Variants in HDAC5 observed in about 807,000 individuals in gnomAD.
HDAC5 encodes the protein histone deacetylase 5, also known as antigen NY-CO-9.
A neutral mutation model predicts 133.3 loss-of-function variants in HDAC5; 25 were observed. That is an observed-to-expected ratio of 0.19 (90% CI 0.14 to 0.26). The LOEUF (loss-of-function observed/expected upper bound fraction) is 0.26, where lower values mean the gene tolerates loss of function less well. Among genes scored for constraint, HDAC5 ranks in the 10% least tolerant of loss-of-function variants. The pLI is 1.00. For missense variants in HDAC5, 1,041 were observed against 1,460.5 expected (o/e 0.71, Z 4.68); for synonymous variants, 589 against 610.8 (o/e 0.96, Z 0.53).
chr17:44,083,989 T>G (rs901890640), intron 16 of HDAC5, 135 bp from the exon 17 acceptor site: 1 of 705,730 alleles, frequency 1.4e-6, no homozygotes, highest in African/African-American at 1.7e-5. Context: ...CTGGGCGTGG[T>G]GGCACACACC....
chr17:44,088,365 C>G (rs1489129570), intron 12 of HDAC5, 22 bp downstream of exon 12: 6 of 1,545,532 alleles, frequency 3.9e-6, no homozygotes, highest in Non-Finnish European at 5.2e-6. Flanking sequence ...CAGCCCCAGG[C>G]CATTCACCTT....
In HDAC5 at chr17:44,088,599, C is replaced by CTACG. The variant is rs773696634; in HGVS notation, c.1388-5_1388-2dup. 8.6e-5 allele frequency: 138 copies of CTACG among 1,610,806 alleles called. No individual in the cohort carries two copies. Among genetic ancestry groups the CTACG allele is most frequent in the Non-Finnish European group, 1.1e-4 (135 of 1,178,192 alleles). ...AGTGGGGACTGCCCGTGGAGTGGCA[C>CTACG]TACGGAGTTGGGGGTGATGACTAAG... On this transcript the variant is annotated splice_acceptor_variant, in intron 11 of 26. Transcript: ENST00000682912. LOFTEE classifies it high-confidence loss of function.
At chr17:44,078,901 G>T in intron 24 of HDAC5, 22 bp from the exon 25 acceptor site, 1 of 1,613,010 alleles carries the variant, frequency 6.2e-7, no homozygotes, top group African/African-American at 1.3e-5. Context: ...AAGAAGAGAA[G>T]GCTTAGGGTG....
chr17:44,111,813 T>C (rs540144711), intron 2 of HDAC5, among the ~76,000 whole-genome samples: 8 of 152,252 alleles, frequency 5.3e-5, no homozygotes, highest in African/African-American at 1.9e-4. Context: ...CCTCAGCTTC[T>C]TTCTAGGGTG....
Position 44,117,600 on chromosome 17 carries a change from A to G in HDAC5, c.-85T>C, listed in dbSNP as rs141746023. The G allele has an allele frequency of 3.3e-5, 50 of 1,507,242 alleles. No homozygotes were observed. The East Asian group carries it at 9.9e-4, about 30-fold the overall frequency. 93.4% of individuals were successfully genotyped at this position (1,507,242 alleles called of 1,614,324 possible). A position where few individuals can be genotyped will look rare whatever the true frequency, so the allele number is the denominator to read the frequency against. On this transcript the variant is annotated 5_prime_UTR_variant, in exon 2 of 27. Transcript: ENST00000682912. This position sits in a 1 kb window ranked among gnomAD's most constrained non-coding sequence, Gnocchi z 4.2. ...GCGGTGATGTCAAGAGAGACAGACG[A>G]TAACAGACAGACGGACGGGACGGGA...
At chr17:44,097,705 G>C (rs228750) in intron 3 of HDAC5, among the ~76,000 whole-genome samples, 1 of 152,140 alleles carries the variant, frequency 6.6e-6, no homozygotes, top group African/African-American at 2.4e-5. Flanking sequence ...CGGCAATGCC[G>C]GGGTTGTAGG....
chr17:44,088,390 G>T lies in HDAC5; in HGVS notation c.1596C>A (p.Gly532=). The change falls in exon 12 of 27, where the codon GGC becomes GGA. Residue 532 remains glycine (G), a synonymous_variant. Transcript: ENST00000682912. ...EKQKQQQLQL[G]KILTKTGELP... ...CCATTCACCTTTCCAGGCTCACCTT[G>T]CCCAGCTGTAGCTGCTGCTGCTTCT... 6.5e-7 allele frequency: 1 copy of T among 1,550,210 alleles called. No individual in the cohort carries two copies.
intron 6 of HDAC5, 30 bp from the exon 7 acceptor site, chr17:44,092,836 C>A (rs2051029049): frequency 3.5e-6 from 3 of 849,862 alleles, no homozygotes; most frequent in Middle Eastern, 2.6e-4. Context: ...GGGATGGAAG[C>A]AGATCTAGGT....
intron 2 of HDAC5, among the ~76,000 whole-genome samples, chr17:44,115,198 A>T (rs1196712679): frequency 6.6e-6 from 1 of 152,232 alleles, no homozygotes; most frequent in Non-Finnish European, 1.5e-5. Flanking sequence ...CTTGAGGGGA[A>T]CCAGAAGCTC....
chr17:44,111,232 GAGCCGCC>G, intron 2 of HDAC5: 1 of 290,780 alleles, frequency 3.4e-6, no homozygotes, highest in South Asian at 3.3e-5. Flanking sequence ...CTTCCCGAAT[GAGCCGCC>G]GCCGGCAGCT....
At chr17:44,109,317 G>C (rs973357270) in intron 3 of HDAC5, among the ~76,000 whole-genome samples, 2 of 152,158 alleles carry the variant, frequency 1.3e-5, no homozygotes, top group Non-Finnish European at 2.9e-5. Context: ...GTGGACTCCA[G>C]ACCAGGATAA....
Position 44,091,512 on chromosome 17 carries a change from G to T in HDAC5, c.1165-20C>A, listed in dbSNP as rs751593503. The T allele has an allele frequency of 1.9e-6, 3 of 1,541,880 alleles. No homozygotes were observed. Among genetic ancestry groups the T allele is most frequent in the Middle Eastern group, 2.2e-4 (1 of 4,642 alleles). ...GGAGGCCTGGGGGGTGAAGGGAGGG[G>T]CTTATACAGCCTCAGTCCTGCCAAC... is the stretch of plus-strand genomic sequence containing the variant. On this transcript the variant is annotated intron_variant, in intron 10 of 26. Coordinates refer to ENST00000682912, the MANE Select transcript of HDAC5 (RefSeq NM_005474.5).
chr17:44,080,595 CCT>C, intron 21 of HDAC5, 97 bp from the exon 22 acceptor site: 1 of 1,478,326 alleles, frequency 6.8e-7, no homozygotes, highest in Non-Finnish European at 9.4e-7. Context: ...ACTCCACTGA[CCT>C]CTGCTCTGCC....
Position 44,091,485 on chromosome 17 carries a change from G to T in HDAC5, c.1172C>A (p.Pro391Gln). Residue 391 changes from proline (P) to glutamine (Q), a missense_variant, in exon 11 of 27, where the codon CCG becomes CAG. Transcript: ENST00000682912. ...GGCCTCCTGCTGTGTCGACAGCTTCGGGGAGGCCTGGGGGGTGAAGGGAGG... is the reference window on the plus strand; with the variant it reads ...GGCCTCCTGCTGTGTCGACAGCTTCTGGGAGGCCTGGGGGGTGAAGGGAGG... Reference protein sequence around the residue: ...TVTNSHLTASPKLSTQQEAER... With the variant: ...TVTNSHLTASQKLSTQQEAER... 1 of 1,542,596 alleles carries T rather than the reference G, an allele frequency of 6.5e-7. No homozygotes were observed.
At position 44,092,823 on chromosome 17, in the gene HDAC5, G is replaced by GCAACC; in HGVS notation, c.642-18_642-17insGGTTG. 1 of 666,254 alleles carries GCAACC rather than the reference G, an allele frequency of 1.5e-6. No homozygotes were observed. The allele number at this position is 666,254 out of a possible 1,614,324, so 41.3% of individuals were successfully genotyped here. ...TGGGCTCCCCTGGGGTGGGGGGGGG[G>GCAACC]TGGGGATGGAAGCAGATCTAGGTTA... On this transcript the variant is annotated splice_polypyrimidine_tract_variant and intron_variant, in intron 6 of 26. Coordinates refer to ENST00000682912, the MANE Select transcript of HDAC5 (RefSeq NM_005474.5).
Position 44,087,434 on chromosome 17 carries a change from T to G in HDAC5, c.1862A>C (p.Glu621Ala), listed in dbSNP as rs746507246. The change falls in exon 13 of 27, where the codon GAG becomes GCG. Residue 621 changes from glutamate (E) to alanine (A), a missense_variant. Around this residue, in one of 9 missense-constraint regions of HDAC5, gnomAD observed 433 missense variants for 531.6 expected, o/e 0.81. Transcript: ENST00000682912. The part of the protein sequence containing the change: ...SGAEEGPDLE[E>A]PGAGYKKLFS... ...CACTTTTTTGTATCCAGCACCAGGC[T>G]CCTCCAAGTCGGGCCCCTCCTCAGC... The G allele has an allele frequency of 8.7e-7, 1 of 1,147,884 alleles. No homozygotes were observed. The highest frequency in any genetic ancestry group is 2.3e-5 in the East Asian group (1 of 42,674). The allele number at this position is 1,147,884 out of a possible 1,614,324, so 71.1% of individuals were successfully genotyped here. A position where few individuals can be genotyped will look rare whatever the true frequency, so the allele number is the denominator to read the frequency against.
At position 44,084,613 on chromosome 17, in the gene HDAC5, G is replaced by A. The variant is rs942099016; in HGVS notation, c.2247C>T (p.Thr749=). The A allele has an allele frequency of 1.9e-6, 3 of 1,613,990 alleles. No homozygotes were observed. Among genetic ancestry groups the A allele is most frequent in the African/African-American group, 1.3e-5 (1 of 74,900 alleles). Residue 749 remains threonine (T), a synonymous_variant, in exon 16 of 27, where the codon ACC becomes ACT. Transcript: ENST00000682912. ...EIQTVHSEYH[T]LLYGTSPLNR... ...TGAGGGGACTGGTCCCATAGAGCAG[G>A]GTGTGGTATTCAGAGTGCACTGTCT...
At chr17:44,106,220 G>A (rs1025875983) in intron 3 of HDAC5, among the ~76,000 whole-genome samples, 9 of 152,168 alleles carry the variant, frequency 5.9e-5, no homozygotes, top group Non-Finnish European at 1.3e-4. Context: ...GGGGACACAG[G>A]AGGTTGTATG....
At chr17:44,085,711 A>G (rs919439402) in intron 14 of HDAC5, among the ~76,000 whole-genome samples, 10 of 152,284 alleles carry the variant, frequency 6.6e-5, no homozygotes, top group African/African-American at 2.4e-4. Flanking sequence ...CATGTTGGCC[A>G]GGCTGGTCTC....
Sources: allele counts gnomAD v4.1 joint callset (sites outside exome capture counted in the v4.1 genomes callset), GRCh38; gene constraint gnomAD v4.1.1; regional missense constraint gnomAD v4.1.1; non-coding constraint Gnocchi (gnomAD v3.1); transcripts MANE v1.5; gene names NCBI Gene and HGNC (gene_info 2026-07-23, HGNC 2026-07-21).